MEP1B: variants seen among roughly 807,000 people sequenced by gnomAD.
MEP1B encodes the protein N-benzoyl-L-tyrosyl-P-amino-benzoic acid hydrolase subunit beta.
Under a neutral mutation model 84.6 loss-of-function variants are expected in MEP1B, and 80 were observed. The ratio of observed to expected loss-of-function variants is 0.95; its 90% CI spans 0.79 to 1.14. The LOEUF is 1.14. Ranked by LOEUF, MEP1B falls within the 50% of genes most tolerant of loss-of-function variation. The pLI is 0.00. For synonymous variants in MEP1B, 273 were observed against 288.1 expected (o/e 0.95, Z 0.53); for missense variants, 766 against 855.1 (o/e 0.90, Z 1.30).
intron 6 of MEP1B, among the ~76,000 whole-genome samples, chr18:32,203,966 T>C (rs1295954602): frequency 2.6e-5 from 4 of 152,106 alleles, no homozygotes; most frequent in Admixed American, 6.6e-5. Flanking sequence ...AGGTCCCACC[T>C]CCAGCACTGG....
Position 32,213,527 on chromosome 18 carries a change from G to A in MEP1B, c.1547G>A (p.Arg516Gln), listed in dbSNP as rs747857717. Residue 516 changes from arginine to glutamine, a missense_variant, in exon 11 of 15, where the codon CGG (arginine) becomes CAG (glutamine). By Grantham distance (43) the Arg-to-Gln change is conservative. Transcript: ENST00000269202. ...PDIRQRMSNQ[R>Q]SITTDPFMTT... Reference sequence around the variant, plus strand: ...ATTCGACAGCGTATGTCCAATCAGCGGAGTATAACTACAGACCCATTTATG... The same window carrying A: ...ATTCGACAGCGTATGTCCAATCAGCAGAGTATAACTACAGACCCATTTATG... 1.8e-5 allele frequency: 29 copies of A among 1,613,578 alleles called. No individual in the cohort carries two copies. Among genetic ancestry groups the A allele is most frequent in the Admixed American group, 3.3e-5 (2 of 59,986 alleles).
chr18:32,196,074 A>C lies in MEP1B; in HGVS notation c.250+589A>C, dbSNP rs941722327. 2.9e-5 allele frequency: 13 copies of C among 449,372 alleles called. No individual in the cohort carries two copies. The highest frequency in any genetic ancestry group is 6.9e-5 in the Admixed American group (2 of 28,924). The allele number at this position is 449,372 out of a possible 1,614,324, so 27.8% of individuals were successfully genotyped here. On this transcript the variant is annotated intron_variant, in intron 5 of 14. Transcript: ENST00000269202. The surrounding 1 kb of genome is among the most constrained non-coding windows in gnomAD (Gnocchi z 4.4). ...GGTCATTGGCAGCCCGGGGCTGGGA[A>C]CCCAGGTCCTCTGGTGCCCCCGCTG... is the stretch of plus-strand genomic sequence containing the variant.
At position 32,213,336 on chromosome 18, in the gene MEP1B, A is replaced by G; in HGVS notation, c.1356A>G (p.Pro452=). Residue 452 remains proline, a synonymous_variant, in exon 11 of 15, where the codon CCA becomes CCG. Coordinates refer to ENST00000269202, the MANE Select transcript of MEP1B (RefSeq NM_005925.3). ...CAAATGGAACTCTGTATAGCCCTCC[A>G]TTTTACTCTTCTAAAGGTTATGCCT... ...GSPNGTLYSP[P]FYSSKGYAFQ... 2 of 1,613,836 alleles carry G rather than the reference A, an allele frequency of 1.2e-6. No individual in the cohort carries two copies. Among genetic ancestry groups the G allele is most frequent in the Non-Finnish European group, 8.5e-7 (1 of 1,179,826 alleles).
intron 7 of MEP1B, among the ~76,000 whole-genome samples, chr18:32,204,949 G>A (rs2040949647): frequency 6.6e-6 from 1 of 152,144 alleles, no homozygotes; most frequent in Admixed American, 6.5e-5. Context: ...CGGAGCCCAT[G>A]CCCTAATTAC....
chr18:32,200,479 T>A (rs2040900968), intron 5 of MEP1B, among the ~76,000 whole-genome samples: 1 of 152,222 alleles, frequency 6.6e-6, no homozygotes, highest in African/African-American at 2.4e-5. Context: ...TTGTTTTCTA[T>A]GTTCAAATTA....
At position 32,196,016 on chromosome 18, in the gene MEP1B, T is replaced by C. The variant is rs574346365; in HGVS notation, c.250+531T>C. 180 of 366,298 alleles carry C rather than the reference T, an allele frequency of 4.9e-4. No homozygotes were observed. The highest frequency in any genetic ancestry group is 3.6e-3 in the African/African-American group (172 of 47,318). 22.7% of individuals were successfully genotyped at this position (366,298 alleles called of 1,614,324 possible). On this transcript the variant is annotated intron_variant, in intron 5 of 14. Coordinates refer to ENST00000269202, the MANE Select transcript of MEP1B (RefSeq NM_005925.3). This position sits in a 1 kb window ranked among gnomAD's most constrained non-coding sequence, Gnocchi z 4.4. ...CACTGACTGACTGTCCATCTGCCTG[T>C]CCCTCTCTATCCCTGCAAGTTCGGG...
intron 11 of MEP1B, among the ~76,000 whole-genome samples, chr18:32,214,240 C>T (rs1423753246): frequency 6.6e-6 from 1 of 152,116 alleles, no homozygotes; most frequent in Non-Finnish European, 1.5e-5. Flanking sequence ...TGACATCATT[C>T]CCCATCTTTC....
At chr18:32,217,368 A>G (rs1173877739) in intron 13 of MEP1B, among the ~76,000 whole-genome samples, 2 of 152,250 alleles carry the variant, frequency 1.3e-5, no homozygotes, top group East Asian at 1.9e-4. Context: ...AAAAGTCCTC[A>G]TAACAGTCCA....
intron 5 of MEP1B, 129 bp downstream of exon 5, chr18:32,195,614 A>G: frequency 3.5e-6 from 2 of 564,454 alleles, no homozygotes; most frequent in Non-Finnish European, 6.0e-6. Context: ...GTGGCTATGT[A>G]CATTTACTTT....
At chr18:32,195,517 A>C in intron 5 of MEP1B, 32 bp downstream of exon 5, 1 of 1,355,840 alleles carries the variant, frequency 7.4e-7, no homozygotes, top group Non-Finnish European at 1.0e-6. Context: ...TCCATAACTA[A>C]TGTCTATTTC....
Position 32,203,018 on chromosome 18 carries a change from G to T in MEP1B, c.368+8G>T, listed in dbSNP as rs145879124. ...AGTGTTCAAGGGCAGTGGGTAAGTTGCAGACTTAGTCTTCTAAGGCATCTA... is the reference window on the plus strand; with the variant it reads ...AGTGTTCAAGGGCAGTGGGTAAGTTTCAGACTTAGTCTTCTAAGGCATCTA... On this transcript the variant is annotated splice_region_variant and intron_variant, in intron 6 of 14. Coordinates refer to ENST00000269202, the MANE Select transcript of MEP1B (RefSeq NM_005925.3). 3.0e-5 allele frequency: 45 copies of T among 1,523,472 alleles called. No individual in the cohort carries two copies. The African/African-American group carries it at 5.6e-4, about 19-fold the overall frequency. 94.4% of individuals were successfully genotyped at this position (1,523,472 alleles called of 1,614,324 possible).
chr18:32,211,750 A>G (rs1460262608), intron 10 of MEP1B, among the ~76,000 whole-genome samples: 1 of 152,150 alleles, frequency 6.6e-6, no homozygotes, highest in Non-Finnish European at 1.5e-5. Context: ...TGACTGAGAA[A>G]GGGAGGGGCT....
chr18:32,209,944 T>G (rs1346742538), intron 9 of MEP1B, among the ~76,000 whole-genome samples: 1 of 152,218 alleles, frequency 6.6e-6, no homozygotes, highest in Non-Finnish European at 1.5e-5. Context: ...GAGACACAGA[T>G]GCTACAACTC....
At chr18:32,203,118 C>A in intron 6 of MEP1B, 108 bp downstream of exon 6, 2 of 603,094 alleles carry the variant, frequency 3.3e-6, no homozygotes, top group Non-Finnish European at 2.8e-6. Context: ...GGGGTGGGGA[C>A]TTTCTTGCTA....
chr18:32,208,335 A>G, intron 9 of MEP1B, 64 bp downstream of exon 9: 1 of 1,399,864 alleles, frequency 7.1e-7, no homozygotes, highest in Non-Finnish European at 9.6e-7. Flanking sequence ...CTTCTCTATG[A>G]AAGAATGGGA....
chr18:32,204,963 T>A (rs74647384), intron 7 of MEP1B, among the ~76,000 whole-genome samples: 2,360 of 152,244 alleles, frequency 0.016, 22 homozygotes, highest in Middle Eastern at 0.024. Flanking sequence ...TAATTACCTC[T>A]CATTAGGCCC....
Position 32,197,750 on chromosome 18 carries a change from T to C in MEP1B, c.250+2265T>C, listed in dbSNP as rs527942597. On this transcript the variant is annotated intron_variant, in intron 5 of 14. Coordinates refer to ENST00000269202, the MANE Select transcript of MEP1B (RefSeq NM_005925.3). The stretch of plus-strand genomic sequence containing the variant: ...TAGTTTTTTAAAATTTCAACTTTTA[T>C]TTTAGATTCAGTGGGTACGTGTGCA... Among the ~76,000 whole-genome samples, 5 of 152,314 alleles carry C rather than the reference T, an allele frequency of 3.3e-5. No individual in the cohort carries two copies. The South Asian group carries it at 1.0e-3, about 32-fold the overall frequency.
Position 32,213,439 on chromosome 18 carries a change from C to G in MEP1B, c.1459C>G (p.Gln487Glu). 6.2e-7 allele frequency: 1 copy of G among 1,613,760 alleles called. No individual in the cohort carries two copies. The highest frequency in any genetic ancestry group is 8.5e-7 in the Non-Finnish European group (1 of 1,179,738). Residue 487 changes from glutamine (Q) to glutamate (E), a missense_variant, in exon 11 of 15, where the codon CAA (glutamine) becomes GAA (glutamate). Coordinates refer to ENST00000269202, the MANE Select transcript of MEP1B (RefSeq NM_005925.3). Reference sequence around the variant, plus strand: ...CTTGATCTCTGGAGCCAATGATGATCAATTACAGTGGCCATGTCCTTGGCA... The same window carrying G: ...CTTGATCTCTGGAGCCAATGATGATGAATTACAGTGGCCATGTCCTTGGCA... The part of the protein sequence containing the change: ...FHLISGANDD[Q>E]LQWPCPWQQA...
In MEP1B at chr18:32,207,136, T is replaced by C. The variant is rs1307991873; in HGVS notation, c.548-116T>C. 4 of 649,432 alleles carry C rather than the reference T, an allele frequency of 6.2e-6. No individual in the cohort carries two copies. In the African/African-American group the frequency reaches 7.3e-5, roughly 12 times the overall value. 40.2% of individuals were successfully genotyped at this position (649,432 alleles called of 1,614,324 possible). A position where few individuals can be genotyped will look rare whatever the true frequency, so the allele number is the denominator to read the frequency against. On this transcript the variant is annotated intron_variant, in intron 7 of 14. Transcript: ENST00000269202. ...ATGGGAATAATGAAACTGTTGTTAG[T>C]TGTAGCAAAAATTGCTTGAGTTTAT...
Sources: gnomAD v4.1 joint callset for allele counts (sites outside exome capture counted in the v4.1 genomes callset) on GRCh38, gnomAD v4.1.1 for gene constraint, Gnocchi (gnomAD v3.1) non-coding constraint, MANE v1.5 for transcripts, NCBI Gene and HGNC (gene_info 2026-07-23, HGNC 2026-07-21) for gene names.